The following VSX1 variants were observed in gnomAD, a reference collection of about 807,000 sequenced individuals.
VSX1 encodes the protein visual system homeobox 1, also known as homeodomain protein RINX.
VSX1 carries 23 observed loss-of-function variants against 23.6 expected under a neutral mutation model. The observed-to-expected ratio is 0.97, with a 90% CI of 0.70 to 1.38. The LOEUF is 1.38. VSX1 is among the 40% of genes most tolerant of loss of function. The probability of loss-of-function intolerance (pLI) is 0.00; values close to 1 mark genes in which losing one functional copy is unlikely to be tolerated. For missense variants in VSX1, 517 were observed against 495.4 expected (o/e 1.04, Z -0.41); for synonymous variants, 247 against 215.1 (o/e 1.15, Z -1.30).
downstream of VSX1, among the ~76,000 whole-genome samples, chr20:25,074,852 T>C (rs1176285910): frequency 6.6e-6 from 1 of 152,204 alleles, no homozygotes; most frequent in Non-Finnish European, 1.5e-5. Flanking sequence ...CCTGTGTGGC[T>C]ACAGAGCCTG....
chr20:25,074,885 A>G (rs536175950), downstream of VSX1, among the ~76,000 whole-genome samples: 1 of 152,314 alleles, frequency 6.6e-6, no homozygotes, highest in African/African-American at 2.4e-5. Flanking sequence ...CTGTCTCTAA[A>G]CAGGAAAGAC....
rs1257080327 is a variant in VSX1 at position 25,082,019 on chromosome 20, C to T, written c.78G>A (p.Ser26=). 1 of 1,535,520 alleles carries T rather than the reference C, an allele frequency of 6.5e-7. No individual in the cohort carries two copies. The highest frequency in any genetic ancestry group is 1.2e-5 in the South Asian group (1 of 84,100). ...ALVPGGSPRG[S]RPRGFAITDL... is the part of the protein sequence containing the mutation. Reference sequence around the variant, plus strand: ...CCGTGATGGCGAAGCCCCGGGGGCGCGAGCCCCTAGGGGAACCGCCAGGCA... The same window carrying T: ...CCGTGATGGCGAAGCCCCGGGGGCGTGAGCCCCTAGGGGAACCGCCAGGCA... The change falls in exon 1 of 5, where the codon TCG becomes TCA. Residue 26 remains serine (S), a synonymous_variant. Coordinates refer to ENST00000376709, the MANE Select transcript of VSX1 (RefSeq NM_014588.6).
intron 1 of VSX1, among the ~76,000 whole-genome samples, chr20:25,080,591 C>T (rs902157757): frequency 5.9e-5 from 9 of 152,156 alleles, no homozygotes; most frequent in Non-Finnish European, 1.3e-4. Context: ...GAGAAATTTC[C>T]GTCAAACATG....
chr20:25,077,953 G>A (rs2089545565), intron 3 of VSX1, 88 bp from the exon 4 acceptor site: 1 of 1,449,468 alleles, frequency 6.9e-7, no homozygotes, highest in Non-Finnish European at 9.5e-7. Flanking sequence ...CCCAGGGCTC[G>A]GATCTTCTCT....
At chr20:25,072,593 A>G, downstream of VSX1, 1 of 471,164 alleles carries the variant, frequency 2.1e-6, no homozygotes, top group Non-Finnish European at 4.4e-6. Flanking sequence ...TCCATTTGAC[A>G]ATCGGCTTAG....
At chr20:25,074,698 A>G (rs1431201266), downstream of VSX1, among the ~76,000 whole-genome samples, 1 of 152,120 alleles carries the variant, frequency 6.6e-6, no homozygotes, top group Non-Finnish European at 1.5e-5. Context: ...CGTATTGTCT[A>G]AGTGTGATGT....
intron 2 of VSX1, 30 bp downstream of exon 2, chr20:25,079,406 G>A (rs1231080479): frequency 2.5e-6 from 4 of 1,594,598 alleles, no homozygotes; most frequent in East Asian, 4.5e-5. Flanking sequence ...CCGAGGAAAG[G>A]CAGGCAGAGG....
In VSX1 at chr20:25,076,182, T is replaced by C; in HGVS notation, c.*79A>G. 9 of 1,598,136 alleles carry C rather than the reference T, an allele frequency of 5.6e-6. No individual in the cohort carries two copies. The South Asian group carries it at 1.0e-4, about 18-fold the overall frequency. ...GAAAATCAAACTGAGAGTATATGTC[T>C]TGGACAATTTTTGTCTTTTGGAAAA... On this transcript the variant is annotated 3_prime_UTR_variant, in exon 5 of 5. Coordinates refer to ENST00000376709, the MANE Select transcript of VSX1 (RefSeq NM_014588.6).
intron 2 of VSX1, among the ~76,000 whole-genome samples, chr20:25,079,208 G>T (rs767748653): frequency 6.6e-6 from 1 of 152,152 alleles, no homozygotes; most frequent in Non-Finnish European, 1.5e-5. Context: ...CCACAAAATT[G>T]TCTTTAAAAT....
At chr20:25,071,876 C>T, downstream of VSX1, 1 of 714,946 alleles carries the variant, frequency 1.4e-6, no homozygotes. Context: ...ACAATGCTAC[C>T]TGAGCACTTC....
At chr20:25,079,309 C>T (rs2089587226) in intron 2 of VSX1, 127 bp downstream of exon 2, 5 of 960,410 alleles carry the variant, frequency 5.2e-6, no homozygotes, top group South Asian at 5.2e-5. Context: ...TGTGCCCTTC[C>T]CATTGCCAAC....
At chr20:25,081,581 GC>G (rs1311070838) in intron 1 of VSX1, 91 bp downstream of exon 1, 8 of 1,544,502 alleles carry the variant, frequency 5.2e-6, no homozygotes, top group Non-Finnish European at 5.3e-6. Flanking sequence ...GGCCGCTGGG[GC>G]CAGGGGTGCG....
At chr20:25,081,594 TG>T in intron 1 of VSX1, 78 bp downstream of exon 1, 1 of 1,546,734 alleles carries the variant, frequency 6.5e-7, no homozygotes, top group Non-Finnish European at 8.7e-7. Flanking sequence ...AGGGGTGCGG[TG>T]GGGCGATGGT....
rs1163468946 is a variant in VSX1 at position 25,076,218 on chromosome 20, G to T, written c.*43C>A. 2 of 1,612,180 alleles carry T rather than the reference G, an allele frequency of 1.2e-6. No individual in the cohort carries two copies. Among genetic ancestry groups the T allele is most frequent in the Admixed American group, 3.3e-5 (2 of 60,028 alleles). ...TTGTCTTTTGGAAAATGCCAGTGAG[G>T]AATATGCACATTTTCAGCCTTTGAC... is the stretch of plus-strand genomic sequence containing the variant. On this transcript the variant is annotated 3_prime_UTR_variant, in exon 5 of 5. Transcript: ENST00000376709.
At chr20:25,080,334 T>C (rs2089613087) in intron 1 of VSX1, among the ~76,000 whole-genome samples, 1 of 152,240 alleles carries the variant, frequency 6.6e-6, no homozygotes, top group African/African-American at 2.4e-5. Context: ...TGGCTTGGAT[T>C]AAAACATTCT....
chr20:25,076,514 G>A lies in VSX1; in HGVS notation c.845C>T (p.Pro282Leu), dbSNP rs760553810. 3 of 1,612,560 alleles carry A rather than the reference G, an allele frequency of 1.9e-6. No individual in the cohort carries two copies. The South Asian group carries it at 3.3e-5, about 18-fold the overall frequency. Residue 282 changes from proline to leucine, a missense_variant, in exon 5 of 5, where the codon CCA becomes CTA. Pro to Leu is a moderately conservative substitution (Grantham distance 98). Transcript: ENST00000376709. ...TCCTGCCAACTTATCTTCACTTCCT[G>A]GCTTCCTTATCATCCCCATGGATTT... ...HKKSMGMIRK[P>L]GSEDKLAGLW...
rs867596931 is a variant in VSX1 at position 25,078,905 on chromosome 20, C to T, written c.551G>A (p.Ser184Asn). The part of the protein sequence containing the change: ...HQLEELEKAF[S>N]EAHYPDVYAR... ...ATACACATCAGGGTAGTGGGCCTCGCTGAATGCCTTCTCCAACTCTTCCAG... is the reference window on the plus strand; with the variant it reads ...ATACACATCAGGGTAGTGGGCCTCGTTGAATGCCTTCTCCAACTCTTCCAG... The change falls in exon 3 of 5, where the codon AGC (serine) becomes AAC (asparagine). Residue 184 changes from serine (S) to asparagine (N), a missense_variant. Physicochemically the swap from Ser to Asn is conservative, Grantham distance 46. Transcript: ENST00000376709. 1.9e-6 allele frequency: 3 copies of T among 1,614,226 alleles called. No homozygotes were observed. In the Middle Eastern group the frequency reaches 5.0e-4, roughly 267 times the overall value.
downstream of VSX1, chr20:25,071,614 C>G (rs1242639020): frequency 1.9e-6 from 1 of 527,416 alleles, no homozygotes; most frequent in African/African-American, 1.9e-5. Flanking sequence ...GACAAAGCCT[C>G]TTAATAAGGA....
At position 25,076,561 on chromosome 20, in the gene VSX1, A is replaced by AT. The variant is rs769851146; in HGVS notation, c.809-12_809-11insA. ...ATTTTTTATGCATCCCTTGTAAAAA[A>AT]AAAAATAAAAAGGAAAAAATAAAAA... On this transcript the variant is annotated splice_polypyrimidine_tract_variant and intron_variant, in intron 4 of 4. Transcript: ENST00000376709. 1.0e-4 allele frequency: 161 copies of AT among 1,586,606 alleles called. No individual in the cohort carries two copies. The highest frequency in any genetic ancestry group is 1.7e-4 in the Middle Eastern group (1 of 5,876).
Sources: allele counts gnomAD v4.1 joint callset (sites outside exome capture counted in the v4.1 genomes callset), GRCh38; gene constraint gnomAD v4.1.1; transcripts MANE v1.5; gene names NCBI Gene and HGNC (gene_info 2026-07-23, HGNC 2026-07-21).